CTNND2: variants seen among roughly 807,000 people sequenced by gnomAD.
The protein encoded by CTNND2 is catenin delta 2.
CTNND2 carries 22 observed loss-of-function variants against 144.4 expected under a neutral mutation model. That is an observed-to-expected ratio of 0.15 (90% CI 0.11 to 0.22). The LOEUF (loss-of-function observed/expected upper bound fraction) is 0.22, where lower values mean the gene tolerates loss of function less well. Ranked by LOEUF, CTNND2 falls within the 10% of genes least tolerant of loss-of-function variation. The pLI is 1.00. For missense variants in CTNND2, 1,353 were observed against 1,618.8 expected (o/e 0.84, Z 2.82); for synonymous variants, 751 against 695.6 (o/e 1.08, Z -1.25).
At chr5:11,007,867 C>G (rs373928441) in intron 18 of CTNND2, among the ~76,000 whole-genome samples, 1 of 152,204 alleles carries the variant, frequency 6.6e-6, no homozygotes, top group Non-Finnish European at 1.5e-5. Flanking sequence ...ACTTTCGCAC[C>G]GTGTAATGAA....
chr5:11,623,110 T>C (rs1205126661), intron 2 of CTNND2, among the ~76,000 whole-genome samples: 1 of 152,196 alleles, frequency 6.6e-6, no homozygotes, highest in East Asian at 1.9e-4. Flanking sequence ...TTCCTCCATG[T>C]AGTACATGAG....
At chr5:11,865,316 C>CT (rs1560942677) in intron 1 of CTNND2, among the ~76,000 whole-genome samples, 1 of 152,080 alleles carries the variant, frequency 6.6e-6, no homozygotes, top group Non-Finnish European at 1.5e-5. Flanking sequence ...TGGAAGTTCT[C>CT]TTTTTTTGTT....
At chr5:11,525,088 TC>T (rs1171886038) in intron 3 of CTNND2, among the ~76,000 whole-genome samples, 18 of 152,214 alleles carry the variant, frequency 1.2e-4, no homozygotes, top group African/African-American at 4.1e-4. Context: ...AGATAACCTT[TC>T]CCCAGTGGCA....
At chr5:11,444,715 A>G (rs1393938648) in intron 3 of CTNND2, among the ~76,000 whole-genome samples, 1 of 152,176 alleles carries the variant, frequency 6.6e-6, no homozygotes, top group Non-Finnish European at 1.5e-5. Context: ...AAATAAAAAT[A>G]AATAAAAAAG....
intron 2 of CTNND2, among the ~76,000 whole-genome samples, chr5:11,706,177 C>A (rs1356612935): frequency 1.3e-5 from 2 of 152,210 alleles, no homozygotes; most frequent in African/African-American, 4.8e-5. Context: ...CCCAACCCAG[C>A]CAACCCTTGA....
chr5:11,651,091 C>T (rs1019202340), intron 2 of CTNND2, among the ~76,000 whole-genome samples: 5 of 152,298 alleles, frequency 3.3e-5, no homozygotes, highest in African/African-American at 2.4e-5. Flanking sequence ...GTAGCCCATC[C>T]CATTACAGGC....
intron 13 of CTNND2, among the ~76,000 whole-genome samples, chr5:11,112,841 T>C (rs1753141103): frequency 6.6e-6 from 1 of 152,108 alleles, no homozygotes; most frequent in Non-Finnish European, 1.5e-5. Context: ...GGGAGGGTCA[T>C]ATTAACAGTA....
At chr5:11,809,452 T>C (rs1159732249) in intron 1 of CTNND2, among the ~76,000 whole-genome samples, 3 of 152,192 alleles carry the variant, frequency 2.0e-5, no homozygotes, top group Non-Finnish European at 4.4e-5. Flanking sequence ...ATGTTCATAA[T>C]TTTATTACCT....
intron 9 of CTNND2, among the ~76,000 whole-genome samples, chr5:11,252,677 G>A (rs1316896972): frequency 6.6e-6 from 1 of 152,188 alleles, no homozygotes; most frequent in Non-Finnish European, 1.5e-5. Context: ...AGGAGTCTCA[G>A]AGATGATCAG....
At chr5:11,063,493 A>C (rs149561010) in intron 16 of CTNND2, among the ~76,000 whole-genome samples, 10 of 152,272 alleles carry the variant, frequency 6.6e-5, no homozygotes, top group Middle Eastern at 3.4e-3. Context: ...AATTTGTATA[A>C]ATTTTGTTTG....
At chr5:11,722,072 T>A (rs1054936727) in intron 2 of CTNND2, among the ~76,000 whole-genome samples, 1 of 152,212 alleles carries the variant, frequency 6.6e-6, no homozygotes, top group African/African-American at 2.4e-5. Context: ...GTGGTCCACA[T>A]TTCTAACAAA....
At chr5:11,305,423 T>G (rs544649037) in intron 9 of CTNND2, among the ~76,000 whole-genome samples, 2 of 152,332 alleles carry the variant, frequency 1.3e-5, no homozygotes, top group African/African-American at 4.8e-5. Context: ...CAATACTGGA[T>G]TAGCCTCTTA....
At chr5:11,757,994 T>C (rs920122519) in intron 1 of CTNND2, among the ~76,000 whole-genome samples, 2 of 152,028 alleles carry the variant, frequency 1.3e-5, no homozygotes, top group Admixed American at 6.6e-5. Flanking sequence ...TTCTGACATC[T>C]TGTCATGTAT....
Position 11,732,227 on chromosome 5 carries a change from G to A in CTNND2, c.83C>T (p.Thr28Met), listed in dbSNP as rs140086280. 45 of 1,613,908 alleles carry A rather than the reference G, an allele frequency of 2.8e-5. No homozygotes were observed. The highest frequency in any genetic ancestry group is 1.7e-4 in the African/African-American group (13 of 75,020). The change falls in exon 2 of 22, where the codon ACG (threonine) becomes ATG (methionine). Residue 28 changes from threonine (T) to methionine (M), a missense_variant. Physicochemically the swap from Thr to Met is moderately conservative, Grantham distance 81. Around this residue, in one of 4 missense-constraint regions of CTNND2, gnomAD observed 708 missense variants for 706.4 expected, o/e 1.00. Transcript: ENST00000304623. Reference protein sequence around the residue: ...PDQPSSASEKTSSLSPGLNTS... With the variant: ...PDQPSSASEKMSSLSPGLNTS... ...GTTTAAGCCGGGGCTCAGGGAACTC[G>A]TCTTCTCTGAGGCTGATGAAGGCTG...
intron 12 of CTNND2, among the ~76,000 whole-genome samples, chr5:11,144,197 C>A (rs1055263118): frequency 6.6e-6 from 1 of 152,202 alleles, no homozygotes; most frequent in African/African-American, 2.4e-5. Flanking sequence ...ATGCTGTCAG[C>A]CCAGTGTTGT....
chr5:11,439,303 T>A (rs549619271), intron 3 of CTNND2, among the ~76,000 whole-genome samples: 1 of 152,144 alleles, frequency 6.6e-6, no homozygotes, highest in Non-Finnish European at 1.5e-5. Context: ...GCAGAGGGGA[T>A]GCCTTGGTCA....
chr5:11,468,048 T>A (rs1370357914), intron 3 of CTNND2, among the ~76,000 whole-genome samples: 3 of 152,252 alleles, frequency 2.0e-5, no homozygotes, highest in Admixed American at 6.5e-5. Context: ...GTTAAACGTG[T>A]GTCTGTGTGA....
chr5:11,659,746 G>A (rs1783091099), intron 2 of CTNND2, among the ~76,000 whole-genome samples: 1 of 151,994 alleles, frequency 6.6e-6, no homozygotes, highest in Non-Finnish European at 1.5e-5. Flanking sequence ...TTTTCTCCTT[G>A]TCTCTTCAAG....
At chr5:11,866,181 T>C (rs948329194) in intron 1 of CTNND2, among the ~76,000 whole-genome samples, 1 of 152,146 alleles carries the variant, frequency 6.6e-6, no homozygotes, top group Non-Finnish European at 1.5e-5. Flanking sequence ...CATATGCCTA[T>C]AAACCTAGCT....
Sources: allele counts gnomAD v4.1 joint callset (sites outside exome capture counted in the v4.1 genomes callset), GRCh38; gene constraint gnomAD v4.1.1; regional missense constraint gnomAD v4.1.1; transcripts MANE v1.5; gene names NCBI Gene and HGNC (gene_info 2026-07-23, HGNC 2026-07-21).